The following PLXNA4 variants were observed in gnomAD, a reference collection of about 807,000 sequenced individuals.
PLXNA4 encodes plexin-A4.
A neutral mutation model predicts 191.8 loss-of-function variants in PLXNA4; 44 were observed. The observed-to-expected ratio is 0.23, with a 90% CI of 0.18 to 0.29. PLXNA4 has a LOEUF of 0.29. Among genes scored for constraint, PLXNA4 ranks in the 10% least tolerant of loss-of-function variants. PLXNA4 has a pLI of 1.00. For missense variants in PLXNA4, 1,800 were observed against 2,488.8 expected (o/e 0.72, Z 5.89); for synonymous variants, 1,082 against 1,009.5 (o/e 1.07, Z -1.36).
At chr7:132,591,182 C>T (rs1434026390) in intron 2 of PLXNA4, among the ~76,000 whole-genome samples, 1 of 152,116 alleles carries the variant, frequency 6.6e-6, no homozygotes, top group Non-Finnish European at 1.5e-5. Flanking sequence ...ACATGGAGAG[C>T]CGTGGAACAG....
chr7:132,185,279 C>G lies in PLXNA4; in HGVS notation c.3158+20G>C. On this transcript the variant is annotated intron_variant, in intron 16 of 31. Coordinates refer to ENST00000321063, the MANE Select transcript of PLXNA4 (RefSeq NM_020911.2). ...AACAGAGGTGCAGAAGCATTAAGGT[C>G]CGCTTGGGCCAGCTCCTACCTGACA... is the stretch of plus-strand genomic sequence containing the variant. 2 of 1,599,558 alleles carry G rather than the reference C, an allele frequency of 1.3e-6. No homozygotes were observed. Among genetic ancestry groups the G allele is most frequent in the African/African-American group, 1.3e-5 (1 of 74,610 alleles).
intron 2 of PLXNA4, among the ~76,000 whole-genome samples, chr7:132,493,941 A>C (rs1178861728): frequency 6.6e-6 from 1 of 152,192 alleles, no homozygotes; most frequent in Non-Finnish European, 1.5e-5. Context: ...CCTGTGCCTT[A>C]ATTTGTTACC....
intron 9 of PLXNA4, among the ~76,000 whole-genome samples, chr7:132,219,091 G>T (rs907429860): frequency 2.0e-5 from 3 of 152,216 alleles, no homozygotes; most frequent in Non-Finnish European, 4.4e-5. Context: ...AAAGCCACCT[G>T]TCAGCCTCAC....
At chr7:132,582,590 A>G (rs778947095) in intron 2 of PLXNA4, among the ~76,000 whole-genome samples, 1 of 152,124 alleles carries the variant, frequency 6.6e-6, no homozygotes, top group Non-Finnish European at 1.5e-5. Flanking sequence ...CTACCCACCA[A>G]CAACCAGTGC....
chr7:132,147,829 G>T, intron 27 of PLXNA4, 71 bp downstream of exon 27: 1 of 1,602,464 alleles, frequency 6.2e-7, no homozygotes, highest in Admixed American at 1.7e-5. Flanking sequence ...CTGCCTTCTG[G>T]CTATGCTGCT....
At chr7:132,385,256 T>G in intron 3 of PLXNA4, 1 of 1,613,960 alleles carries the variant, frequency 6.2e-7, no homozygotes. Context: ...CGGGGTCCCG[T>G]CTGTAGCTCA....
At chr7:132,532,557 TTA>T (rs1799662698) in intron 1 of PLXNA4, among the ~76,000 whole-genome samples, 1 of 152,246 alleles carries the variant, frequency 6.6e-6, no homozygotes, top group Non-Finnish European at 1.5e-5. Context: ...GCACAATGCA[TTA>T]TCCTTCATAT....
intron 3 of PLXNA4, among the ~76,000 whole-genome samples, chr7:132,472,008 A>G (rs940118554): frequency 3.3e-5 from 5 of 152,124 alleles, no homozygotes; most frequent in African/African-American, 1.2e-4. Flanking sequence ...AAAAGCCAAA[A>G]CACTTTTCTG....
intron 2 of PLXNA4, among the ~76,000 whole-genome samples, chr7:132,636,248 G>A (rs1313251479): frequency 6.6e-6 from 1 of 152,232 alleles, no homozygotes; most frequent in Non-Finnish European, 1.5e-5. Flanking sequence ...CAGCCAAGAG[G>A]CTTCTGGGAG....
intron 3 of PLXNA4, among the ~76,000 whole-genome samples, chr7:132,302,341 G>A (rs959217062): frequency 1.3e-5 from 2 of 152,122 alleles, no homozygotes; most frequent in Non-Finnish European, 2.9e-5. Flanking sequence ...CAGTTGCCAC[G>A]TGGCAAATAG....
intron 4 of PLXNA4, among the ~76,000 whole-genome samples, chr7:132,257,279 G>A (rs1029948396): frequency 3.1e-4 from 47 of 152,232 alleles, no homozygotes; most frequent in African/African-American, 1.0e-3. Flanking sequence ...TGAAGGCAGA[G>A]TTGGCTTGGA....
intron 3 of PLXNA4, among the ~76,000 whole-genome samples, chr7:132,399,246 C>T (rs1793885205): frequency 1.3e-5 from 2 of 152,154 alleles, no homozygotes; most frequent in African/African-American, 4.8e-5. Context: ...CAAAGGGACA[C>T]AACCCAGTCC....
At chr7:132,142,209 C>A (rs1398432495) in intron 29 of PLXNA4, among the ~76,000 whole-genome samples, 1 of 152,138 alleles carries the variant, frequency 6.6e-6, no homozygotes, top group African/African-American at 2.4e-5. Context: ...TGTAGCCATC[C>A]CTGCAGGCTA....
At chr7:132,383,600 G>A (rs181902333) in intron 3 of PLXNA4, 1 of 984,298 alleles carries the variant, frequency 1.0e-6, no homozygotes, top group Admixed American at 6.1e-5. Flanking sequence ...TACAAGATTG[G>A]CCTTTATAAA....
intron 20 of PLXNA4, among the ~76,000 whole-genome samples, chr7:132,179,127 G>A (rs900008300): frequency 1.2e-4 from 8 of 68,658 alleles, no homozygotes; most frequent in East Asian, 7.2e-4. Context: ...ATACACGTGC[G>A]TGCTCACACA....
intron 3 of PLXNA4, among the ~76,000 whole-genome samples, chr7:132,314,743 A>G (rs1801879858): frequency 6.6e-6 from 1 of 152,216 alleles, no homozygotes; most frequent in Non-Finnish European, 1.5e-5. Flanking sequence ...CTGGACTTCC[A>G]GCCACTTTAC....
At chr7:132,314,417 C>T (rs193138128) in intron 3 of PLXNA4, among the ~76,000 whole-genome samples, 3 of 152,324 alleles carry the variant, frequency 2.0e-5, no homozygotes, top group African/African-American at 7.2e-5. Context: ...CCCCACAGAC[C>T]TTCCCCTTGG....
intron 27 of PLXNA4, among the ~76,000 whole-genome samples, chr7:132,147,076 G>C (rs1795457372): frequency 6.6e-6 from 1 of 152,192 alleles, no homozygotes; most frequent in Non-Finnish European, 1.5e-5. Flanking sequence ...ACATACTTAA[G>C]AGCAGGTAGC....
chr7:132,629,881 G>A (rs192023052), intron 2 of PLXNA4, among the ~76,000 whole-genome samples: 7 of 151,332 alleles, frequency 4.6e-5, no homozygotes, highest in East Asian at 3.9e-4. Context: ...ACAGAGTCTC[G>A]TTCTGTCACC....
Sources: gnomAD v4.1 joint callset for allele counts (sites outside exome capture counted in the v4.1 genomes callset) on GRCh38, gnomAD v4.1.1 for gene constraint, MANE v1.5 for transcripts, NCBI Gene and HGNC (gene_info 2026-07-23, HGNC 2026-07-21) for gene names.